The following ZNF221 variants were observed in gnomAD, a reference collection of about 807,000 sequenced individuals.
The protein encoded by ZNF221 is zinc finger protein 221.
In ZNF221, 10 loss-of-function variants were observed where a neutral mutation model predicts 12.6. The ratio of observed to expected loss-of-function variants is 0.79; its 90% CI spans 0.49 to 1.34. The LOEUF is 1.34. Ranked by LOEUF, ZNF221 falls within the 40% of genes most tolerant of loss-of-function variation. The pLI is 0.00. For synonymous variants in ZNF221, 232 were observed against 244.0 expected (o/e 0.95, Z 0.46); for missense variants, 661 against 721.4 (o/e 0.92, Z 0.96).
intron 4 of ZNF221, among the ~76,000 whole-genome samples, 156 bp from the exon 5 acceptor site, chr19:43,965,648 T>C (rs1974930844): frequency 6.6e-6 from 1 of 152,230 alleles, no homozygotes; most frequent in Non-Finnish European, 1.5e-5. Context: ...TTCTAAATTG[T>C]TCTCTTGAAA....
At chr19:43,957,307 A>G (rs777251823) in intron 1 of ZNF221, among the ~76,000 whole-genome samples, 5 of 151,980 alleles carry the variant, frequency 3.3e-5, no homozygotes, top group African/African-American at 4.8e-5. Context: ...CAGCCTTCCA[A>G]GTAGCTGGGA....
intron 1 of ZNF221, among the ~76,000 whole-genome samples, chr19:43,952,063 C>T (rs1240532177): frequency 1.3e-5 from 2 of 150,948 alleles, no homozygotes; most frequent in East Asian, 3.9e-4. Flanking sequence ...TTAGTAGAGA[C>T]GGGGTTTCAC....
chr19:43,959,662 C>T lies in ZNF221; in HGVS notation c.-2-3063C>T, dbSNP rs953997208. ...TCACTTTGTGACATGCCTGCTCCTA[C>T]TTCACCTTCTCCCATGAGTGAAAGC... is the stretch of plus-strand genomic sequence containing the variant. On this transcript the variant is annotated intron_variant, in intron 1 of 4. Coordinates refer to ENST00000587682, the MANE Select transcript of ZNF221 (RefSeq NM_001297588.2). 2.6e-5 allele frequency among the ~76,000 whole-genome samples: 4 copies of T among 152,364 alleles called. No homozygotes were observed. The East Asian group carries it at 5.8e-4, about 22-fold the overall frequency.
At chr19:43,956,563 C>T (rs1974757644) in intron 1 of ZNF221, among the ~76,000 whole-genome samples, 1 of 7,754 alleles carries the variant, frequency 1.3e-4, no homozygotes. Context: ...GCCAAAGGAC[C>T]CTGGCTCTTG....
chr19:43,979,508 A>C, the ZNF221 span, among the ~76,000 whole-genome samples: 1 of 152,008 alleles, frequency 6.6e-6, no homozygotes, highest in African/African-American at 2.4e-5. Flanking sequence ...ATTATGTGAG[A>C]TAATGTCAGT....
chr19:43,954,801 G>A (rs1198196475), intron 1 of ZNF221, among the ~76,000 whole-genome samples: 2 of 152,062 alleles, frequency 1.3e-5, no homozygotes, highest in Non-Finnish European at 2.9e-5. Flanking sequence ...AAAAAAAAGT[G>A]TAATCATTAT....
chr19:43,979,089 A>G, the ZNF221 span, among the ~76,000 whole-genome samples: 1 of 152,066 alleles, frequency 6.6e-6, no homozygotes. Flanking sequence ...AGAAAAGTCT[A>G]AAAAAGAAAG....
the ZNF221 span, among the ~76,000 whole-genome samples, chr19:43,980,150 G>A: frequency 4.6e-5 from 7 of 152,334 alleles, no homozygotes; most frequent in Non-Finnish European, 7.4e-5. Context: ...ACCTGAAAGC[G>A]TCAGTCATTA....
chr19:43,978,998 G>T, the ZNF221 span, among the ~76,000 whole-genome samples: 101 of 127,722 alleles, frequency 7.9e-4, no homozygotes, highest in African/African-American at 3.0e-3. Context: ...ATTTGTTGTT[G>T]TTTTTAATTT....
At chr19:43,975,305 A>G in the ZNF221 span, among the ~76,000 whole-genome samples, 1 of 152,248 alleles carries the variant, frequency 6.6e-6, no homozygotes, top group Non-Finnish European at 1.5e-5. Flanking sequence ...CCAAATGCCC[A>G]TCAATGATAG....
In ZNF221 at chr19:43,965,056, T is replaced by C. The variant is rs1974913666; in HGVS notation, c.188T>C (p.Phe63Ser). 1 of 1,614,144 alleles carries C rather than the reference T, an allele frequency of 6.2e-7. No homozygotes were observed. The highest frequency in any genetic ancestry group is 8.5e-7 in the Non-Finnish European group (1 of 1,179,996). Residue 63 changes from phenylalanine (F) to serine (S), a missense_variant, in exon 3 of 5, where the codon TTC becomes TCC. Transcript: ENST00000587682. ...KLYRDVMLEN[F>S]RNLLSVGNQP... ...TACCGAGATGTGATGCTAGAGAACT[T>C]CAGGAACCTGCTCTCAGTAGGTGAG...
At chr19:43,951,735 C>G (rs1008438474) in intron 1 of ZNF221, among the ~76,000 whole-genome samples, 4 of 151,646 alleles carry the variant, frequency 2.6e-5, no homozygotes, top group African/African-American at 9.7e-5. Context: ...GAATGGCGAT[C>G]TCTTGTTAAT....
chr19:43,968,914 T>C (rs1294957617), downstream of ZNF221, among the ~76,000 whole-genome samples: 1 of 152,268 alleles, frequency 6.6e-6, no homozygotes, highest in Non-Finnish European at 1.5e-5. Flanking sequence ...ACCAGGGCCT[T>C]GGGTTTGATA....
At chr19:43,977,335 C>T in the ZNF221 span, 1 of 152,186 alleles carries the variant, frequency 6.6e-6, no homozygotes, top group African/African-American at 2.4e-5. Context: ...TAATCACTTA[C>T]CTATAAGGAC....
Position 43,967,566 on chromosome 19 carries a change from C to T in ZNF221, c.*210C>T, listed in dbSNP as rs998888225. On this transcript the variant is annotated 3_prime_UTR_variant, in exon 5 of 5. Coordinates refer to ENST00000587682, the MANE Select transcript of ZNF221 (RefSeq NM_001297588.2). ...CTATCTCAGCTCACTGCAAGCTCCG[C>T]CTCCCAGGTTCACGCCATTCTCCTG... is the stretch of plus-strand genomic sequence containing the variant. 2.0e-6 allele frequency: 1 copy of T among 492,920 alleles called. No homozygotes were observed. Among genetic ancestry groups the T allele is most frequent in the Non-Finnish European group, 3.6e-6 (1 of 280,554 alleles). 30.5% of individuals were successfully genotyped at this position (492,920 alleles called of 1,614,324 possible). A position where few individuals can be genotyped will look rare whatever the true frequency, so the allele number is the denominator to read the frequency against.
downstream of ZNF221, among the ~76,000 whole-genome samples, chr19:43,968,317 T>G (rs11666551): frequency 0.091 from 13,922 of 152,254 alleles, 818 homozygotes; most frequent in East Asian, 0.14. Flanking sequence ...TTAGAAAGAA[T>G]AGGAGTTTGT....
At chr19:43,960,893 C>G (rs1301371784) in intron 1 of ZNF221, among the ~76,000 whole-genome samples, 1 of 152,246 alleles carries the variant, frequency 6.6e-6, no homozygotes, top group Admixed American at 6.5e-5. Context: ...GGAGCCCCAA[C>G]AGAGAACCTC....
At chr19:43,951,655 T>A (rs549720328) in intron 1 of ZNF221, among the ~76,000 whole-genome samples, 1 of 152,084 alleles carries the variant, frequency 6.6e-6, no homozygotes, top group Admixed American at 6.5e-5. Flanking sequence ...ATTAAGACCT[T>A]CCTAATAGAA....
Position 43,957,672 on chromosome 19 carries a change from C to T in ZNF221, c.-2-5053C>T, listed in dbSNP as rs142947631. 2.3e-3 allele frequency among the ~76,000 whole-genome samples: 347 copies of T among 152,242 alleles called. 1 individual carries two copies. The highest frequency in any genetic ancestry group is 8.1e-3 in the African/African-American group (337 of 41,536). On this transcript the variant is annotated intron_variant, in intron 1 of 4. Coordinates refer to ENST00000587682, the MANE Select transcript of ZNF221 (RefSeq NM_001297588.2). ...TAGCTTTCTGGGATGAGTCGTTTGA[C>T]TCTGCCCTCTGCCTTTTTCCTCTTG... is the stretch of plus-strand genomic sequence containing the variant.
Sources: gnomAD v4.1 joint callset for allele counts (sites outside exome capture counted in the v4.1 genomes callset) on GRCh38, gnomAD v4.1.1 for gene constraint, MANE v1.5 for transcripts, NCBI Gene and HGNC (gene_info 2026-07-23, HGNC 2026-07-21) for gene names.